The following KLC1 variants were observed in gnomAD, a reference collection of about 807,000 sequenced individuals.
KLC1 encodes kinesin light chain 1.
Under a neutral mutation model 84.2 loss-of-function variants are expected in KLC1, and 30 were observed. The observed-to-expected ratio is 0.36, with a 90% CI of 0.27 to 0.48. The LOEUF (loss-of-function observed/expected upper bound fraction) is 0.48, where lower values mean the gene tolerates loss of function less well. Among genes scored for constraint, KLC1 ranks in the 20% least tolerant of loss-of-function variants. The pLI is 0.99. For missense variants in KLC1, 499 were observed against 805.4 expected, an observed-to-expected ratio of 0.62 and a Z score of 4.60; for synonymous variants, 289 against 293.3, an observed-to-expected ratio of 0.99 and a Z score of 0.15.
chr14:103,663,785 G>A (rs1265050292), intron 5 of KLC1, among the ~76,000 whole-genome samples: 1 of 152,144 alleles, frequency 6.6e-6, no homozygotes, highest in Admixed American at 6.5e-5. Context: ...GAGGCAGGGT[G>A]TCCTGTTGGG....
intron 1 of KLC1, among the ~76,000 whole-genome samples, chr14:103,635,610 CG>C (rs1378808233): frequency 1.3e-5 from 2 of 151,910 alleles, no homozygotes; most frequent in African/African-American, 4.8e-5. Flanking sequence ...TAAAATTAGC[CG>C]CGTGTGGTAG....
chr14:103,630,221 T>C (rs11850979), intron 1 of KLC1, among the ~76,000 whole-genome samples: 92,045 of 152,138 alleles, frequency 0.61, 28,955 homozygotes, highest in Non-Finnish European at 0.71. Context: ...AAATTGGGTG[T>C]ACCCTTTTCC....
At chr14:103,652,274 C>T (rs1393748412) in intron 1 of KLC1, among the ~76,000 whole-genome samples, 1 of 152,070 alleles carries the variant, frequency 6.6e-6, no homozygotes, top group East Asian at 1.9e-4. Flanking sequence ...AAAACTGGTC[C>T]TTAAGTGTTT....
At chr14:103,675,351 C>T (rs1188812408) in intron 9 of KLC1, among the ~76,000 whole-genome samples, 1 of 152,070 alleles carries the variant, frequency 6.6e-6, no homozygotes, top group Non-Finnish European at 1.5e-5. Flanking sequence ...ACAGAGGCTT[C>T]ATGATTTCTA....
chr14:103,654,076 C>T (rs112220799), intron 1 of KLC1, among the ~76,000 whole-genome samples: 1 of 152,186 alleles, frequency 6.6e-6, no homozygotes, highest in Non-Finnish European at 1.5e-5. Flanking sequence ...CTGTGTCTTC[C>T]AGGTCTGCTC....
intron 1 of KLC1, among the ~76,000 whole-genome samples, chr14:103,649,513 GA>G (rs2078220938): frequency 2.1e-5 from 3 of 145,814 alleles, no homozygotes; most frequent in African/African-American, 7.7e-5. Context: ...AGGATCACTG[GA>G]GCCCAAGAGT....
intron 1 of KLC1, among the ~76,000 whole-genome samples, chr14:103,647,217 A>G (rs1465476945): frequency 6.6e-6 from 1 of 151,610 alleles, no homozygotes; most frequent in Non-Finnish European, 1.5e-5. Context: ...TTATCCAGAA[A>G]CTTTTTTTTT....
At chr14:103,670,366 C>G (rs1482852209) in intron 7 of KLC1, 83 bp downstream of exon 7, 7 of 830,916 alleles carry the variant, frequency 8.4e-6, no homozygotes, top group Middle Eastern at 7.4e-4. Flanking sequence ...GAGATGGAGT[C>G]TCGTTCTGTC....
At chr14:103,661,697 G>A (rs536694060) in intron 3 of KLC1, among the ~76,000 whole-genome samples, 3 of 152,290 alleles carry the variant, frequency 2.0e-5, no homozygotes, top group South Asian at 2.1e-4. Context: ...CCCCAGAGCC[G>A]ATTGTGGTGG....
chr14:103,635,638 C>T (rs555681150), intron 1 of KLC1, among the ~76,000 whole-genome samples: 17 of 151,896 alleles, frequency 1.1e-4, no homozygotes, highest in Non-Finnish European at 2.4e-4. Flanking sequence ...TCTGTAGTCC[C>T]GGGTATTTGG....
chr14:103,662,970 A>T, intron 5 of KLC1, 43 bp downstream of exon 5: 2 of 1,384,430 alleles, frequency 1.4e-6, no homozygotes, highest in Non-Finnish European at 2.0e-6. Flanking sequence ...CCTAGAGACA[A>T]TGTTTTTAAC....
In KLC1 at chr14:103,687,317, A is replaced by T. The variant is rs2081841415; in HGVS notation, c.1781+106A>T. 1.7e-5 allele frequency: 20 copies of T among 1,178,404 alleles called. No individual in the cohort carries two copies. In the South Asian group the frequency reaches 3.1e-4, roughly 18 times the overall value. 73.0% of individuals were successfully genotyped at this position (1,178,404 alleles called of 1,614,324 possible). On this transcript the variant is annotated intron_variant, in intron 14 of 16. Coordinates refer to ENST00000334553, the MANE Select transcript of KLC1 (RefSeq NM_001394837.1). ...CCACAGACTTGAGGAAAGACACTCC[A>T]GTTGGTTCCCGTATTCTCACAACCG...
In KLC1 at chr14:103,687,290, A is replaced by G. The variant is rs1595559128; in HGVS notation, c.1781+79A>G. On this transcript the variant is annotated intron_variant, in intron 14 of 16. Coordinates refer to ENST00000334553, the MANE Select transcript of KLC1 (RefSeq NM_001394837.1). ...TTCTCTTCCTAGCGCAGCCTTCCTC[A>G]CCCACAGACTTGAGGAAAGACACTC... 8.0e-6 allele frequency: 11 copies of G among 1,379,636 alleles called. No individual in the cohort carries two copies. The South Asian group carries it at 1.2e-4, about 15-fold the overall frequency. The allele number at this position is 1,379,636 out of a possible 1,614,324, so 85.5% of individuals were successfully genotyped here.
In KLC1 at chr14:103,701,251, A is replaced by G; in HGVS notation, c.*52A>G. 1 of 1,544,204 alleles carries G rather than the reference A, an allele frequency of 6.5e-7. No individual in the cohort carries two copies. Among genetic ancestry groups the G allele is most frequent in the Non-Finnish European group, 8.8e-7 (1 of 1,142,302 alleles). On this transcript the variant is annotated 3_prime_UTR_variant, in exon 17 of 17. Transcript: ENST00000334553. ...GATGGGACTGCCGAGTGTGGCCCGGAGCTGGCCCGGGACAGCCAGGGCGGC... is the reference window on the plus strand; with the variant it reads ...GATGGGACTGCCGAGTGTGGCCCGGGGCTGGCCCGGGACAGCCAGGGCGGC...
chr14:103,670,519 T>C (rs1424109707), intron 7 of KLC1, among the ~76,000 whole-genome samples: 3 of 151,950 alleles, frequency 2.0e-5, no homozygotes, highest in Non-Finnish European at 4.4e-5. Flanking sequence ...GTATTTGTAG[T>C]AGAGATGGGG....
At chr14:103,664,265 CTTCAGCCTCCTGA>C (rs2079555965) in intron 5 of KLC1, among the ~76,000 whole-genome samples, 1 of 152,220 alleles carries the variant, frequency 6.6e-6, no homozygotes, top group Admixed American at 6.5e-5. Flanking sequence ...GATTCTCCTG[CTTCAGCCTCCTGA>C]GTAGCTGGGA....
At chr14:103,672,759 C>T (rs1172204916) in intron 7 of KLC1, among the ~76,000 whole-genome samples, 2 of 152,156 alleles carry the variant, frequency 1.3e-5, no homozygotes, top group African/African-American at 4.8e-5. Flanking sequence ...ATATAACTAC[C>T]ATGAAGGATT....
intron 6 of KLC1, 46 bp downstream of exon 6, chr14:103,669,644 C>A: frequency 1.6e-6 from 2 of 1,269,378 alleles, no homozygotes; most frequent in African/African-American, 1.5e-5. Context: ...TTATTTTCCC[C>A]ATATATTTCT....
Position 103,679,489 on chromosome 14 carries a change from T to C in KLC1, c.1594T>C (p.Tyr532His), listed in dbSNP as rs1264143941. 1 of 1,614,058 alleles carries C rather than the reference T, an allele frequency of 6.2e-7. No individual in the cohort carries two copies. The highest frequency in any genetic ancestry group is 8.5e-7 in the Non-Finnish European group (1 of 1,179,982). The change falls in exon 13 of 17, where the codon TAC becomes CAC. Residue 532 changes from tyrosine (Y) to histidine (H), a missense_variant. This residue lies in a region of KLC1 where 167 missense variants were observed against 208.8 expected (regional missense o/e 0.80). Coordinates refer to ENST00000334553, the MANE Select transcript of KLC1 (RefSeq NM_001394837.1). ...GAGCCTCAACGTGGACGTGGTCAAG[T>C]ACGAGAGTGGCCCTGACGGAGGGGA... ...RESLNVDVVK[Y>H]ESGPDGGEEV...
Sources: gnomAD v4.1 joint callset for allele counts (sites outside exome capture counted in the v4.1 genomes callset) on GRCh38, gnomAD v4.1.1 for gene constraint, gnomAD v4.1.1 regional missense constraint, MANE v1.5 for transcripts, NCBI Gene and HGNC (gene_info 2026-07-23, HGNC 2026-07-21) for gene names.